Variants in RBM47 observed in about 807,000 individuals in gnomAD.
The protein encoded by RBM47 is RNA-binding protein 47.
Under a neutral mutation model 47.1 loss-of-function variants are expected in RBM47, and 21 were observed. The observed-to-expected ratio is 0.45, with a 90% CI of 0.32 to 0.64. RBM47 has a LOEUF of 0.64. Ranked by LOEUF, RBM47 falls within the 30% of genes least tolerant of loss-of-function variation. The pLI, the probability that RBM47 is intolerant of heterozygous loss-of-function variation, is 0.05. For synonymous variants in RBM47, 375 were observed against 361.7 expected (o/e 1.04, Z -0.42); for missense variants, 708 against 870.9 (o/e 0.81, Z 2.35).
chr4:40,610,132 T>C (rs982581132), intron 1 of RBM47, among the ~76,000 whole-genome samples: 7 of 151,718 alleles, frequency 4.6e-5, no homozygotes, highest in African/African-American at 1.7e-4. Context: ...AAAACCTCAT[T>C]TAAGAATCAT....
chr4:40,535,371 C>CTTTTTTTTTTTTTTTTTTTTCTTTT (rs1177127352), intron 2 of RBM47, among the ~76,000 whole-genome samples: 1 of 103,458 alleles, frequency 9.7e-6, no homozygotes, highest in Non-Finnish European at 1.9e-5. Context: ...TATGGTATTT[C>CTTTTTTTTTTTTTTTTTTTTCTTTT]TTTTTTTTTT....
At chr4:40,545,232 T>C (rs1214593847) in intron 1 of RBM47, among the ~76,000 whole-genome samples, 1 of 150,882 alleles carries the variant, frequency 6.6e-6, no homozygotes, top group African/African-American at 2.4e-5. Flanking sequence ...TTTGTATTTT[T>C]AGTAGAGACG....
intron 2 of RBM47, among the ~76,000 whole-genome samples, chr4:40,535,371 C>CTTTTTTTTTTTTTTTTCTTTTTTT (rs1727841452): frequency 9.7e-6 from 1 of 103,460 alleles, no homozygotes; most frequent in African/African-American, 4.3e-5. Flanking sequence ...TATGGTATTT[C>CTTTTTTTTTTTTTTTTCTTTTTTT]TTTTTTTTTT....
intron 1 of RBM47, among the ~76,000 whole-genome samples, chr4:40,613,975 A>G (rs1265844742): frequency 2.0e-5 from 3 of 151,868 alleles, no homozygotes; most frequent in African/African-American, 7.3e-5. Flanking sequence ...AGATGCCAGA[A>G]GCTCCCAATC....
chr4:40,606,944 C>T (rs551780070), intron 1 of RBM47, among the ~76,000 whole-genome samples: 4 of 152,158 alleles, frequency 2.6e-5, no homozygotes, highest in African/African-American at 4.8e-5. Context: ...TATTGTGTCA[C>T]TCTACTCCAG....
chr4:40,594,727 T>G (rs1403359869), intron 1 of RBM47, among the ~76,000 whole-genome samples: 5 of 152,214 alleles, frequency 3.3e-5, no homozygotes, highest in Admixed American at 6.5e-5. Flanking sequence ...AATCCTTGTT[T>G]CTCCCGGCCA....
chr4:40,436,976 A>G, intron 4 of RBM47: 1 of 427,032 alleles, frequency 2.3e-6, no homozygotes, highest in Non-Finnish European at 4.6e-6. Context: ...GTGGTGTCTT[A>G]TGCCTGTAAT....
chr4:40,429,991 A>G (rs1212735013), intron 6 of RBM47, among the ~76,000 whole-genome samples: 4 of 152,000 alleles, frequency 2.6e-5, no homozygotes, highest in Non-Finnish European at 4.4e-5. Context: ...TCAGGAGATC[A>G]AGACCATCCT....
intron 2 of RBM47, among the ~76,000 whole-genome samples, chr4:40,500,691 T>C (rs1723240703): frequency 6.6e-6 from 1 of 152,208 alleles, no homozygotes; most frequent in Non-Finnish European, 1.5e-5. Context: ...GTCATAGGTA[T>C]AGCCTTGCAG....
intron 1 of RBM47, among the ~76,000 whole-genome samples, chr4:40,569,016 T>TAGATAGATAGATAGATAGAC (rs1472373539): frequency 0.027 from 2,664 of 98,566 alleles, 107 homozygotes; most frequent in African/African-American, 0.086. Context: ...GATAGATAGA[T>TAGATAGATAGATAGATAGAC]AGACAGACAG....
intron 1 of RBM47, among the ~76,000 whole-genome samples, chr4:40,583,686 G>GT (rs775667944): frequency 1.3e-5 from 2 of 150,998 alleles, no homozygotes; most frequent in Non-Finnish European, 3.0e-5. Context: ...GTGAAACCCC[G>GT]TCTCTACTAA....
intron 1 of RBM47, among the ~76,000 whole-genome samples, chr4:40,572,427 T>C (rs1295882595): frequency 6.6e-6 from 1 of 151,872 alleles, no homozygotes; most frequent in Non-Finnish European, 1.5e-5. Context: ...CTTCAAGATA[T>C]ATTGTTAAGT....
intron 4 of RBM47, among the ~76,000 whole-genome samples, chr4:40,437,090 A>AAAAAAAAAAAAAAAAAAAATATAT (rs1256296949): frequency 8.0e-5 from 4 of 49,850 alleles, no homozygotes; most frequent in African/African-American, 1.1e-4. Context: ...AAAAAAAAAA[A>AAAAAAAAAAAAAAAAAAAATATAT]ATATATATAT....
chr4:40,500,321 A>G (rs1577810653), intron 2 of RBM47, among the ~76,000 whole-genome samples: 1 of 151,212 alleles, frequency 6.6e-6, no homozygotes, highest in South Asian at 2.1e-4. Context: ...CCCCCCCCAA[A>G]AAAAAAAGGG....
intron 1 of RBM47, among the ~76,000 whole-genome samples, chr4:40,560,963 C>T (rs1454033415): frequency 1.4e-5 from 2 of 146,726 alleles, no homozygotes; most frequent in Admixed American, 6.8e-5. Context: ...GACTCCTTCT[C>T]GGAAAAAAAA....
At chr4:40,578,075 T>C (rs1385486320) in intron 1 of RBM47, among the ~76,000 whole-genome samples, 1 of 152,138 alleles carries the variant, frequency 6.6e-6, no homozygotes, top group East Asian at 1.9e-4. Context: ...CAAAATGGAG[T>C]CACCCAGGCT....
At chr4:40,496,820 A>AC (rs924234759) in intron 2 of RBM47, among the ~76,000 whole-genome samples, 3 of 151,988 alleles carry the variant, frequency 2.0e-5, no homozygotes, top group Non-Finnish European at 2.9e-5. Flanking sequence ...TGGGTGGATC[A>AC]CCTGAGGTCA....
Position 40,466,618 on chromosome 4 carries a change from A to G in RBM47, c.-73T>C, listed in dbSNP as rs1334478123. 1 of 152,188 alleles carries G rather than the reference A, an allele frequency of 6.6e-6. No individual in the cohort carries two copies. The highest frequency in any genetic ancestry group is 1.5e-5 in the Non-Finnish European group (1 of 68,044). 9.4% of individuals were successfully genotyped at this position (152,188 alleles called of 1,614,324 possible). A position where few individuals can be genotyped will look rare whatever the true frequency, so the allele number is the denominator to read the frequency against. ...ATTTGTCTGGTCCTTTATAAGTCGC[A>G]GAACGAGAGTATACAGGCAAATTCA... On this transcript the variant is annotated 5_prime_UTR_variant, in exon 3 of 7. Transcript: ENST00000295971.
intron 2 of RBM47, among the ~76,000 whole-genome samples, chr4:40,495,188 T>G (rs1248643735): frequency 6.6e-6 from 1 of 152,200 alleles, no homozygotes; most frequent in African/African-American, 2.4e-5. Context: ...GGCTCTTCCT[T>G]GGTATATATT....
Sources: gnomAD v4.1 joint callset for allele counts (sites outside exome capture counted in the v4.1 genomes callset) on GRCh38, gnomAD v4.1.1 for gene constraint, MANE v1.5 for transcripts, NCBI Gene and HGNC (gene_info 2026-07-23, HGNC 2026-07-21) for gene names.